Variants in WDR70 observed in about 807,000 individuals in gnomAD.
The protein encoded by WDR70 is WD repeat-containing protein 70.
In WDR70, 53 loss-of-function variants were observed where a neutral mutation model predicts 88.6. The ratio of observed to expected loss-of-function variants is 0.60; its 90% CI spans 0.48 to 0.75. The LOEUF (loss-of-function observed/expected upper bound fraction) is 0.75, where lower values mean the gene tolerates loss of function less well. Ranked by LOEUF, WDR70 falls within the 30% of genes least tolerant of loss-of-function variation. The pLI is 0.00. For missense variants in WDR70, 610 were observed against 823.2 expected, an observed-to-expected ratio of 0.74 and a Z score of 3.17; for synonymous variants, 280 against 270.0, an observed-to-expected ratio of 1.04 and a Z score of -0.36.
intron 10 of WDR70, among the ~76,000 whole-genome samples, chr5:37,673,590 C>CCCCA (rs1746097761): frequency 8.9e-6 from 1 of 112,498 alleles, no homozygotes; most frequent in Admixed American, 1.1e-4. Flanking sequence ...CTTACCCCCC[C>CCCCA]CCCACCCTTT....
intron 17 of WDR70, among the ~76,000 whole-genome samples, chr5:37,750,769 G>A (rs1347045099): frequency 1.3e-5 from 2 of 152,280 alleles, no homozygotes; most frequent in East Asian, 3.9e-4. Flanking sequence ...CTTACACCAT[G>A]GTTGTTAGGC....
intron 10 of WDR70, among the ~76,000 whole-genome samples, chr5:37,689,801 TCTC>T (rs892507342): frequency 1.3e-5 from 2 of 152,128 alleles, no homozygotes; most frequent in Non-Finnish European, 1.5e-5. Context: ...GAGTGCCTCT[TCTC>T]CTCCAAAGAT....
chr5:37,427,706 A>G (rs1750176090), intron 5 of WDR70, among the ~76,000 whole-genome samples: 1 of 149,678 alleles, frequency 6.7e-6, no homozygotes, highest in Non-Finnish European at 1.5e-5. Flanking sequence ...GGCCAACCTG[A>G]TGAAACTCCG....
At chr5:37,523,825 C>T (rs544333973) in intron 9 of WDR70, among the ~76,000 whole-genome samples, 18 of 152,162 alleles carry the variant, frequency 1.2e-4, no homozygotes, top group Admixed American at 2.0e-4. Flanking sequence ...GAGAACTATG[C>T]GACGCATGCA....
chr5:37,712,706 T>A (rs916708552), intron 13 of WDR70, among the ~76,000 whole-genome samples: 7 of 152,332 alleles, frequency 4.6e-5, no homozygotes, highest in Middle Eastern at 3.4e-3. Context: ...TTTTTAATTT[T>A]ATTTTTATTT....
At chr5:37,478,861 G>A (rs937371708) in intron 7 of WDR70, among the ~76,000 whole-genome samples, 2 of 152,176 alleles carry the variant, frequency 1.3e-5, no homozygotes, top group African/African-American at 4.8e-5. Context: ...TTTGAAGGGG[G>A]AGTTCTGGGT....
Position 37,676,311 on chromosome 5 carries a change from C to G in WDR70, c.1093-21344C>G, listed in dbSNP as rs895561680. Among the ~76,000 whole-genome samples the G allele has an allele frequency of 9.6e-4, 146 of 151,880 alleles. 1 individual carries two copies. In the East Asian group the frequency reaches 0.017, roughly 17 times the overall value. On this transcript the variant is annotated intron_variant, in intron 10 of 17. Coordinates refer to ENST00000265107, the MANE Select transcript of WDR70 (RefSeq NM_018034.4). ...TGAGAGAGGGCATCCCTGTCTTGTGCCAGTTTTCAAAGGGAATGCTTCCAG... is the reference window on the plus strand; with the variant it reads ...TGAGAGAGGGCATCCCTGTCTTGTGGCAGTTTTCAAAGGGAATGCTTCCAG...
chr5:37,518,678 AT>A (rs1392632621), intron 9 of WDR70, among the ~76,000 whole-genome samples: 3 of 122,954 alleles, frequency 2.4e-5, no homozygotes, highest in African/African-American at 3.5e-5. Flanking sequence ...GAGCACAGAT[AT>A]CTTTTTTTTT....
chr5:37,443,454 C>A, intron 7 of WDR70, 82 bp downstream of exon 7: 1 of 1,475,680 alleles, frequency 6.8e-7, no homozygotes, highest in Non-Finnish European at 9.3e-7. Flanking sequence ...TTTGGAATCC[C>A]ATCTACAATG....
intron 9 of WDR70, among the ~76,000 whole-genome samples, chr5:37,554,059 T>A (rs1742225118): frequency 6.6e-6 from 1 of 152,126 alleles, no homozygotes; most frequent in African/African-American, 2.4e-5. Flanking sequence ...TTGATCCATT[T>A]GGTTAATTAA....
intron 9 of WDR70, among the ~76,000 whole-genome samples, chr5:37,521,369 G>T (rs72738756): frequency 6.6e-6 from 1 of 152,010 alleles, no homozygotes; most frequent in African/African-American, 2.4e-5. Context: ...GGTTTTTGGG[G>T]GACAAGTGGT....
chr5:37,674,230 CT>C (rs755013398), intron 10 of WDR70, among the ~76,000 whole-genome samples: 77 of 151,110 alleles, frequency 5.1e-4, no homozygotes, highest in Non-Finnish European at 7.7e-4. Context: ...TTTCCATTTT[CT>C]TTTTTTTTAT....
chr5:37,636,066 A>G (rs1744955953), intron 10 of WDR70, among the ~76,000 whole-genome samples: 2 of 152,208 alleles, frequency 1.3e-5, no homozygotes. Context: ...TCTTTCCTTT[A>G]TAAATTACCC....
At chr5:37,545,771 G>A (rs1318097191) in intron 9 of WDR70, among the ~76,000 whole-genome samples, 1 of 152,092 alleles carries the variant, frequency 6.6e-6, no homozygotes, top group Non-Finnish European at 1.5e-5. Flanking sequence ...TGATCCACCT[G>A]CCTTGGCCTC....
chr5:37,418,899 G>A (rs561051201), intron 5 of WDR70, among the ~76,000 whole-genome samples: 1 of 152,128 alleles, frequency 6.6e-6, no homozygotes, highest in East Asian at 1.9e-4. Flanking sequence ...GGGTAGCTGG[G>A]ATTACAGGCA....
intron 7 of WDR70, among the ~76,000 whole-genome samples, chr5:37,462,841 G>A (rs1239213759): frequency 1.3e-5 from 2 of 151,892 alleles, no homozygotes; most frequent in East Asian, 3.9e-4. Flanking sequence ...TTTATAAAAA[G>A]TATTATTTCT....
chr5:37,401,245 A>G (rs1489777395), intron 5 of WDR70, among the ~76,000 whole-genome samples: 1 of 143,128 alleles, frequency 7.0e-6, no homozygotes, highest in Non-Finnish European at 1.5e-5. Flanking sequence ...CCTGGGCTCA[A>G]GTGATCCTCC....
chr5:37,471,582 GT>G (rs1377045349), intron 7 of WDR70, among the ~76,000 whole-genome samples: 3 of 151,520 alleles, frequency 2.0e-5, no homozygotes, highest in Non-Finnish European at 4.4e-5. Context: ...TGTTTGTGAT[GT>G]CTTTTGGTGA....
In WDR70 at chr5:37,485,858, A is replaced by ATTTTTTTTTTTTT. The variant is rs57109943; in HGVS notation, c.840+5887_840+5899dup. Among the ~76,000 whole-genome samples the ATTTTTTTTTTTTT allele has an allele frequency of 8.1e-4, 88 of 108,264 alleles. 1 individual carries two copies. Among genetic ancestry groups the ATTTTTTTTTTTTT allele is most frequent in the East Asian group, 2.2e-3 (7 of 3,248 alleles). 71.0% of individuals were successfully genotyped at this position (108,264 alleles called of 152,430 possible). ...AGGCATGCGCCACCATGCCTGGCTA[A>ATTTTTTTTTTTTT]TTTTTTTTTTTTTTTTTTTTTTTTT... On this transcript the variant is annotated intron_variant, in intron 8 of 17. Transcript: ENST00000265107.
Sources: gnomAD v4.1 joint callset for allele counts (sites outside exome capture counted in the v4.1 genomes callset) on GRCh38, gnomAD v4.1.1 for gene constraint, MANE v1.5 for transcripts, NCBI Gene and HGNC (gene_info 2026-07-23, HGNC 2026-07-21) for gene names.